The following RAD21 variants were observed in gnomAD, a reference collection of about 807,000 sequenced individuals.
The protein encoded by RAD21 is RAD21 cohesin complex component.
In RAD21, 18 loss-of-function variants were observed where a neutral mutation model predicts 71.5. That is an observed-to-expected ratio of 0.25 (90% CI 0.17 to 0.37). The LOEUF (loss-of-function observed/expected upper bound fraction) is 0.37, where lower values mean the gene tolerates loss of function less well. RAD21 is among the 10% of genes least tolerant of loss of function. The pLI is 1.00. For synonymous variants in RAD21, 248 were observed against 254.0 expected (o/e 0.98, Z 0.22); for missense variants, 493 against 769.1 (o/e 0.64, Z 4.25).
rs2130447431 is a variant in RAD21, at chr8:116,846,169, T to G, written c.*1331A>C. The G allele has an allele frequency of 4.3e-6, 1 of 231,054 alleles. No individual in the cohort carries two copies. Among genetic ancestry groups the G allele is most frequent in the Middle Eastern group, 1.3e-3 (1 of 778 alleles). The allele number at this position is 231,054 out of a possible 1,614,324, so 14.3% of individuals were successfully genotyped here. Reference sequence around the variant, plus strand: ...TTGAATGTAAAGCTGCAATAGCAATTTTATACAATTACCACTCTGAAGAAA... The same window carrying G: ...TTGAATGTAAAGCTGCAATAGCAATGTTATACAATTACCACTCTGAAGAAA... On this transcript the variant is annotated 3_prime_UTR_variant, in exon 14 of 14. Coordinates refer to ENST00000297338, the MANE Select transcript of RAD21 (RefSeq NM_006265.3).
chr8:116,858,124 T>C (rs555361057), intron 5 of RAD21, among the ~76,000 whole-genome samples: 1 of 152,340 alleles, frequency 6.6e-6, no homozygotes, highest in South Asian at 2.1e-4. Flanking sequence ...CAGAAATCAA[T>C]ATATAGGTTC....
intron 2 of RAD21, among the ~76,000 whole-genome samples, chr8:116,864,005 A>G (rs187614859): frequency 4.9e-4 from 74 of 152,254 alleles, no homozygotes; most frequent in African/African-American, 1.7e-3. Flanking sequence ...TTTAAAAAAA[A>G]AAGTTTGGAA....
In RAD21 at chr8:116,847,533, G is replaced by A. The variant is rs763059424; in HGVS notation, c.1863C>T (p.Ile621=). Residue 621 remains isoleucine (I), a synonymous_variant, in exon 14 of 14, where the codon ATC becomes ATT. Coordinates refer to ENST00000297338, the MANE Select transcript of RAD21 (RefSeq NM_006265.3). ...TATGGAACCTTGGTCCAGGTGTTGC[G>A]ATGATGTCACTGTACGGTTCTTCCT... ...LTQEEPYSDI[I]ATPGPRFHII 1.2e-5 allele frequency: 19 copies of A among 1,613,164 alleles called. No individual in the cohort carries two copies. Among genetic ancestry groups the A allele is most frequent in the South Asian group, 8.8e-5 (8 of 90,934 alleles).
At chr8:116,862,977 C>A in intron 3 of RAD21, 153 bp downstream of exon 3, 1 of 989,890 alleles carries the variant, frequency 1.0e-6, no homozygotes, top group Non-Finnish European at 1.4e-6. Context: ...GCACTGCCTC[C>A]CCAAGCCTTG....
chr8:116,857,220 A>G, intron 6 of RAD21, 47 bp downstream of exon 6: 2 of 1,520,508 alleles, frequency 1.3e-6, no homozygotes, highest in Middle Eastern at 2.4e-4. Flanking sequence ...TTTACAACTT[A>G]ATAAAGAAAT....
chr8:116,874,347 C>G (rs547093554), intron 1 of RAD21: 44 of 165,604 alleles, frequency 2.7e-4, no homozygotes, highest in African/African-American at 1.0e-3. Context: ...CAGAATGGAT[C>G]AGAATCATTT....
Position 116,847,526 on chromosome 8 carries a change from G to T in RAD21, c.1870C>A (p.Pro624Thr). The change falls in exon 14 of 14, where the codon CCT becomes ACT. Residue 624 changes from proline to threonine, a missense_variant. Pro to Thr is a conservative substitution (Grantham distance 38). Around this residue, in one of 5 missense-constraint regions of RAD21, gnomAD observed 34 missense variants for 59.9 expected, o/e 0.57. Transcript: ENST00000297338. The stretch of plus-strand genomic sequence containing the variant: ...TATATAATATGGAACCTTGGTCCAG[G>T]TGTTGCGATGATGTCACTGTACGGT... ...EEPYSDIIAT[P>T]GPRFHII 6.2e-7 allele frequency: 1 copy of T among 1,612,784 alleles called. No homozygotes were observed.
At chr8:116,871,389 C>G (rs12677571) in intron 1 of RAD21, among the ~76,000 whole-genome samples, 24,980 of 152,064 alleles carry the variant, frequency 0.16, 2,507 homozygotes, top group East Asian at 0.38. Context: ...AAATTAAAGT[C>G]TGATGTGAAA....
chr8:116,865,907 T>C (rs903433111), intron 2 of RAD21, among the ~76,000 whole-genome samples: 3 of 152,174 alleles, frequency 2.0e-5, no homozygotes, highest in Admixed American at 6.5e-5. Flanking sequence ...CCCATCGGTG[T>C]TTCATTTATT....
At chr8:116,848,222 A>T (rs938057125) in intron 13 of RAD21, among the ~76,000 whole-genome samples, 6 of 152,214 alleles carry the variant, frequency 3.9e-5, no homozygotes, top group Admixed American at 2.6e-4. Context: ...TAGGACAAAG[A>T]TTGCACTTTT....
intron 1 of RAD21, among the ~76,000 whole-genome samples, chr8:116,873,134 A>T (rs1335371559): frequency 6.6e-6 from 1 of 152,232 alleles, no homozygotes; most frequent in Non-Finnish European, 1.5e-5. Context: ...TTGACATTTA[A>T]ACTAAAAACA....
chr8:116,863,057 T>C, intron 3 of RAD21, 73 bp downstream of exon 3: 3 of 1,510,360 alleles, frequency 2.0e-6, no homozygotes, highest in Non-Finnish European at 2.7e-6. Flanking sequence ...TGTGTTTAGC[T>C]ACAGTAACAC....
chr8:116,867,295 T>A (rs1343672769), intron 1 of RAD21, among the ~76,000 whole-genome samples: 2 of 152,140 alleles, frequency 1.3e-5, no homozygotes, highest in Non-Finnish European at 1.5e-5. Flanking sequence ...ATTTTACAGG[T>A]GGGTAGTTTA....
At chr8:116,850,792 T>G in intron 11 of RAD21, 25 bp from the exon 12 acceptor site, 1 of 1,461,548 alleles carries the variant, frequency 6.8e-7, no homozygotes, top group African/African-American at 1.4e-5. Flanking sequence ...AATAAGACAA[T>G]TTAAGATATA....
In RAD21 at chr8:116,856,247, G is replaced by C. The variant is rs2130466532; in HGVS notation, c.856C>G (p.Pro286Ala). 6.3e-7 allele frequency: 1 copy of C among 1,582,022 alleles called. No homozygotes were observed. The highest frequency in any genetic ancestry group is 8.6e-7 in the Non-Finnish European group (1 of 1,167,186). ...DSPDSVDPVEPMPTMTDQTTL... is the reference protein window; with the variant it reads ...DSPDSVDPVEAMPTMTDQTTL... ...GTTTGATCAGTCATGGTTGGCATTG[G>C]TTCAACGGGATCCACTGAATCAGGA... is the stretch of plus-strand genomic sequence containing the variant. Residue 286 changes from proline (P) to alanine (A), a missense_variant, in exon 8 of 14, where the codon CCA (proline) becomes GCA (alanine). Physicochemically the swap from Pro to Ala is conservative, Grantham distance 27 (BLOSUM62 -1). Transcript: ENST00000297338.
Position 116,852,713 on chromosome 8 carries a change from TAAAA to T in RAD21, c.1162-9_1162-6del. On this transcript the variant is annotated splice_polypyrimidine_tract_variant and splice_region_variant and intron_variant, in intron 9 of 13. Transcript: ENST00000297338. The stretch of plus-strand genomic sequence containing the variant: ...TGTAAGACAGCGTGTAAAGAGCTAT[TAAAA>T]AAAAAAAAAAGAAAAATTTCAATTA... 3 of 1,178,814 alleles carry T rather than the reference TAAAA, an allele frequency of 2.5e-6. No homozygotes were observed. Among genetic ancestry groups the T allele is most frequent in the Non-Finnish European group, 2.2e-6 (2 of 892,742 alleles). 73.0% of individuals were successfully genotyped at this position (1,178,814 alleles called of 1,614,324 possible).
At chr8:116,857,517 T>C (rs775036501) in intron 5 of RAD21, 44 bp from the exon 6 acceptor site, 10 of 1,499,948 alleles carry the variant, frequency 6.7e-6, no homozygotes, top group Admixed American at 1.8e-5. Flanking sequence ...AGATTAGAAA[T>C]AGCACTGTGA....
chr8:116,851,021 A>G (rs1337698232), intron 11 of RAD21: 1 of 269,596 alleles, frequency 3.7e-6, no homozygotes, highest in Non-Finnish European at 7.0e-6. Context: ...CTTACTTTTT[A>G]GGAGTCAAAT....
intron 10 of RAD21, 68 bp downstream of exon 10, chr8:116,852,481 T>A: frequency 6.9e-7 from 1 of 1,446,456 alleles, no homozygotes; most frequent in African/African-American, 1.4e-5. Context: ...ACTCTGACAG[T>A]ATAAAGGTAA....
Sources: allele counts gnomAD v4.1 joint callset (sites outside exome capture counted in the v4.1 genomes callset), GRCh38; gene constraint gnomAD v4.1.1; regional missense constraint gnomAD v4.1.1; transcripts MANE v1.5; gene names NCBI Gene and HGNC (gene_info 2026-07-23, HGNC 2026-07-21).